COX10: variants seen among roughly 807,000 people sequenced by gnomAD.
The protein encoded by COX10 is protoheme IX farnesyltransferase, mitochondrial.
COX10 carries 27 observed loss-of-function variants against 37.3 expected under a neutral mutation model. That is an observed-to-expected ratio of 0.72 (90% confidence interval 0.53 to 1.00). The LOEUF is 1.00. Ranked by LOEUF, COX10 falls within the 50% of genes least tolerant of loss-of-function variation. The pLI, the probability that COX10 is intolerant of heterozygous loss-of-function variation, is 0.00. For synonymous variants in COX10, 222 were observed against 229.1 expected, an observed-to-expected ratio of 0.97 and a Z score of 0.28; for missense variants, 475 against 563.2, an observed-to-expected ratio of 0.84 and a Z score of 1.59.
At chr17:14,152,174 T>C (rs371285484) in intron 4 of COX10, among the ~76,000 whole-genome samples, 2 of 152,272 alleles carry the variant, frequency 1.3e-5, no homozygotes, top group East Asian at 3.9e-4. Context: ...GGGCTGTATA[T>C]TAGTCCGTTT....
chr17:14,182,337 C>T (rs945834662), intron 5 of COX10: 78 of 902,024 alleles, frequency 8.6e-5, no homozygotes, highest in Middle Eastern at 5.7e-4. Flanking sequence ...ACCACAGTCT[C>T]CACGTTCTGA....
At chr17:14,101,934 A>G (rs1283746847) in intron 3 of COX10, among the ~76,000 whole-genome samples, 184 bp from the exon 4 acceptor site, 3 of 152,224 alleles carry the variant, frequency 2.0e-5, no homozygotes, top group Non-Finnish European at 4.4e-5. Flanking sequence ...TTATATAATT[A>G]GTACATGTAG....
At chr17:14,074,670 A>G (rs1915102808) in intron 2 of COX10, among the ~76,000 whole-genome samples, 1 of 152,208 alleles carries the variant, frequency 6.6e-6, no homozygotes, top group African/African-American at 2.4e-5. Flanking sequence ...ATGATCCTGA[A>G]CTTATTGATT....
chr17:14,095,393 A>G (rs1915624624), intron 3 of COX10, among the ~76,000 whole-genome samples: 1 of 152,138 alleles, frequency 6.6e-6, no homozygotes. Flanking sequence ...CATCCTACCC[A>G]GGCCCTCATC....
Position 14,143,565 on chromosome 17 carries a change from T to G in COX10, c.625-16312T>G, listed in dbSNP as rs370388373. Among the ~76,000 whole-genome samples, 3 of 152,210 alleles carry G rather than the reference T, an allele frequency of 2.0e-5. No individual in the cohort carries two copies. The East Asian group carries it at 5.8e-4, about 29-fold the overall frequency. The stretch of plus-strand genomic sequence containing the variant: ...AAAGAGAGGTTTCAAGTCGCTTTGC[T>G]TAGGTAATATAGTAGAAAGCTATTA... On this transcript the variant is annotated intron_variant, in intron 4 of 6. Coordinates refer to ENST00000261643, the MANE Select transcript of COX10 (RefSeq NM_001303.4).
intron 5 of COX10, among the ~76,000 whole-genome samples, chr17:14,164,942 T>A (rs950733121): frequency 2.0e-5 from 3 of 151,982 alleles, no homozygotes; most frequent in African/African-American, 7.2e-5. Context: ...GAAGGTCAAA[T>A]GGGTTTGCCT....
chr17:14,102,227 C>T lies in COX10; in HGVS notation c.609C>T (p.Ala203=), dbSNP rs752408615. The T allele has an allele frequency of 4.0e-5, 65 of 1,613,540 alleles. No homozygotes were observed. The highest frequency in any genetic ancestry group is 5.3e-5 in the Non-Finnish European group (62 of 1,179,708). ...GGACAGGCCTTGCATCCTGTGCTGC[C>T]AACTCCATCAATCAGGTCAGTTTCT... The part of the protein sequence containing the change: ...SVGTGLASCA[A]NSINQFFEVP... Residue 203 remains alanine, a synonymous_variant, in exon 4 of 7, where the codon GCC becomes GCT. Coordinates refer to ENST00000261643, the MANE Select transcript of COX10 (RefSeq NM_001303.4).
chr17:14,105,497 G>T (rs1205047692), intron 4 of COX10, among the ~76,000 whole-genome samples: 1 of 152,122 alleles, frequency 6.6e-6, no homozygotes, highest in Admixed American at 6.6e-5. Context: ...TGTAGAATTT[G>T]CAGAGCATAT....
chr17:14,087,187 T>C (rs1915428683), intron 3 of COX10, among the ~76,000 whole-genome samples: 1 of 152,242 alleles, frequency 6.6e-6, no homozygotes, highest in African/African-American at 2.4e-5. Flanking sequence ...TCTGTCCTCA[T>C]AGGTCTTACT....
At chr17:14,193,159 A>G (rs572010751) in intron 6 of COX10, among the ~76,000 whole-genome samples, 6 of 152,326 alleles carry the variant, frequency 3.9e-5, no homozygotes, top group African/African-American at 1.2e-4. Flanking sequence ...CCAGAGCCCC[A>G]TCCATGTGGG....
chr17:14,133,991 G>GT (rs1916523010), intron 4 of COX10, among the ~76,000 whole-genome samples: 2 of 151,328 alleles, frequency 1.3e-5, no homozygotes, highest in Admixed American at 1.3e-4. Flanking sequence ...CCTGGTATTC[G>GT]TAATGGTTAT....
intron 4 of COX10, among the ~76,000 whole-genome samples, chr17:14,157,138 A>G (rs1905057777): frequency 6.6e-6 from 1 of 152,242 alleles, no homozygotes; most frequent in Non-Finnish European, 1.5e-5. Flanking sequence ...CCAATTATTA[A>G]GGAGATATAA....
intron 4 of COX10, among the ~76,000 whole-genome samples, chr17:14,140,736 T>G (rs1015723331): frequency 6.6e-6 from 1 of 152,162 alleles, no homozygotes; most frequent in African/African-American, 2.4e-5. Context: ...AAGATTTAGA[T>G]TATTAAATAG....
chr17:14,168,798 C>A (rs537635118), intron 5 of COX10, among the ~76,000 whole-genome samples: 1 of 152,164 alleles, frequency 6.6e-6, no homozygotes, highest in East Asian at 1.9e-4. Context: ...GCTCAGCCCA[C>A]GAAGCCATTT....
chr17:14,123,905 A>G (rs967021874), intron 4 of COX10, among the ~76,000 whole-genome samples: 1 of 151,594 alleles, frequency 6.6e-6, no homozygotes, highest in African/African-American at 2.4e-5. Context: ...ATGTTGAGAC[A>G]TAGACATTTT....
intron 5 of COX10, among the ~76,000 whole-genome samples, chr17:14,174,255 T>G (rs1327198918): frequency 6.6e-6 from 1 of 151,206 alleles, no homozygotes; most frequent in Non-Finnish European, 1.5e-5. Context: ...AGCCCAGGAG[T>G]TTGAGACCAG....
intron 4 of COX10, among the ~76,000 whole-genome samples, chr17:14,122,335 G>A (rs1021566307): frequency 1.3e-5 from 2 of 152,038 alleles, no homozygotes; most frequent in Admixed American, 1.3e-4. Context: ...AAACACACGA[G>A]GCTGCAAAAT....
At chr17:14,080,703 G>T (rs1397078911) in intron 3 of COX10, among the ~76,000 whole-genome samples, 1 of 151,784 alleles carries the variant, frequency 6.6e-6, no homozygotes, top group Non-Finnish European at 1.5e-5. Context: ...TTATATTCTT[G>T]GTCATTCCTT....
At chr17:14,196,613 A>T (rs1277102622) in intron 6 of COX10, among the ~76,000 whole-genome samples, 2 of 152,204 alleles carry the variant, frequency 1.3e-5, no homozygotes, top group African/African-American at 4.8e-5. Context: ...AGGGTCATAC[A>T]TTTAGGATCA....
Sources: gnomAD v4.1 joint callset for allele counts (sites outside exome capture counted in the v4.1 genomes callset) on GRCh38, gnomAD v4.1.1 for gene constraint, MANE v1.5 for transcripts, NCBI Gene and HGNC (gene_info 2026-07-23, HGNC 2026-07-21) for gene names.